MAF: variants seen among roughly 807,000 people sequenced by gnomAD.
The protein encoded by MAF is MAF bZIP transcription factor.
A neutral mutation model predicts 22.0 loss-of-function variants in MAF; 10 were observed. The ratio of observed to expected loss-of-function variants is 0.45; its 90% CI spans 0.28 to 0.77. The LOEUF (loss-of-function observed/expected upper bound fraction) is 0.77, where lower values mean the gene tolerates loss of function less well. MAF is among the 30% of genes least tolerant of loss of function. The pLI, the probability that MAF is intolerant of heterozygous loss-of-function variation, is 0.12. For synonymous variants in MAF, 337 were observed against 255.8 expected (o/e 1.32, Z -3.03); for missense variants, 544 against 548.4 (o/e 0.99, Z 0.08).
the MAF span, among the ~76,000 whole-genome samples, chr16:79,520,906 G>A: frequency 6.6e-5 from 10 of 152,184 alleles, no homozygotes; most frequent in South Asian, 8.3e-4. Context: ...CCCTACTTCC[G>A]TCCTACAACA....
chr16:79,256,647 G>A, the MAF span, among the ~76,000 whole-genome samples: 1 of 152,128 alleles, frequency 6.6e-6, no homozygotes, highest in African/African-American at 2.4e-5. Flanking sequence ...GCAAAGCCAG[G>A]TCTCCCGTTA....
the MAF span, among the ~76,000 whole-genome samples, chr16:79,287,448 C>G: frequency 7.2e-5 from 11 of 152,180 alleles, no homozygotes; most frequent in Non-Finnish European, 1.5e-4. Flanking sequence ...TGAGGACCAG[C>G]AGCTGGCGGT....
chr16:79,391,651 C>A, the MAF span, among the ~76,000 whole-genome samples: 1 of 152,084 alleles, frequency 6.6e-6, no homozygotes, highest in African/African-American at 2.4e-5. Flanking sequence ...GGGTCGGCTT[C>A]CCACGCTGAA....
chr16:79,445,243 C>G, the MAF span, among the ~76,000 whole-genome samples: 1 of 151,620 alleles, frequency 6.6e-6, no homozygotes. Context: ...TGGGGTTTCA[C>G]CATGTTAGCC....
chr16:79,277,630 G>A, the MAF span, among the ~76,000 whole-genome samples: 2 of 152,322 alleles, frequency 1.3e-5, no homozygotes, highest in African/African-American at 4.8e-5. Flanking sequence ...TCAGGGAGAT[G>A]AAGTAGTGGA....
chr16:79,209,211 T>C, the MAF span, among the ~76,000 whole-genome samples: 1 of 152,194 alleles, frequency 6.6e-6, no homozygotes, highest in Admixed American at 6.5e-5. Context: ...ATGAAGCCAG[T>C]TGTAATTGCC....
the MAF span, among the ~76,000 whole-genome samples, chr16:79,557,332 G>C: frequency 6.6e-6 from 1 of 152,010 alleles, no homozygotes; most frequent in African/African-American, 2.4e-5. Context: ...TGGAAGAGGA[G>C]AAAATAAGCT....
the MAF span, among the ~76,000 whole-genome samples, chr16:79,232,674 A>G: frequency 6.6e-6 from 1 of 151,960 alleles, no homozygotes; most frequent in Admixed American, 6.6e-5. Flanking sequence ...GTCAATTCGC[A>G]TCTGGGGTTC....
chr16:79,454,360 G>C, the MAF span, among the ~76,000 whole-genome samples: 4,151 of 152,044 alleles, frequency 0.027, 193 homozygotes, highest in African/African-American at 0.096. Flanking sequence ...AAGGAAGTCT[G>C]TTGTAAGAGA....
chr16:79,381,380 G>A, the MAF span, among the ~76,000 whole-genome samples: 2 of 152,180 alleles, frequency 1.3e-5, no homozygotes, highest in Non-Finnish European at 2.9e-5. Context: ...CTTTAAGGCT[G>A]ATACGAAGCC....
downstream of MAF, among the ~76,000 whole-genome samples, chr16:79,592,654 C>G (rs765200654): frequency 6.6e-6 from 1 of 152,182 alleles, no homozygotes; most frequent in Non-Finnish European, 1.5e-5. Flanking sequence ...AACAAACTTC[C>G]AAGTTTCTCT....
At chr16:79,516,039 C>T in the MAF span, 1 of 146,870 alleles carries the variant, frequency 6.8e-6, no homozygotes, top group Non-Finnish European at 1.5e-5. Context: ...CAAGTGGCTC[C>T]TATCCCATGA....
At chr16:79,303,586 C>T in the MAF span, among the ~76,000 whole-genome samples, 1 of 152,170 alleles carries the variant, frequency 6.6e-6, no homozygotes, top group Non-Finnish European at 1.5e-5. Context: ...AGGCTGTTGG[C>T]CAAACCCAGT....
At chr16:79,530,050 A>G in the MAF span, among the ~76,000 whole-genome samples, 1 of 152,174 alleles carries the variant, frequency 6.6e-6, no homozygotes, top group Non-Finnish European at 1.5e-5. Context: ...TAATTTTTCT[A>G]TCAAAGAGAC....
At chr16:79,576,440 G>A in the MAF span, among the ~76,000 whole-genome samples, 6 of 152,120 alleles carry the variant, frequency 3.9e-5, no homozygotes, top group African/African-American at 9.6e-5. Flanking sequence ...CCTCTGAGGC[G>A]GATGATAGCA....
chr16:79,451,494 G>C, the MAF span, among the ~76,000 whole-genome samples: 97 of 152,174 alleles, frequency 6.4e-4, no homozygotes, highest in Non-Finnish European at 9.4e-4. Flanking sequence ...CTTCCTTGAA[G>C]CATTTCTGGC....
chr16:79,436,668 A>G, the MAF span, among the ~76,000 whole-genome samples: 1 of 152,206 alleles, frequency 6.6e-6, no homozygotes, highest in Non-Finnish European at 1.5e-5. Flanking sequence ...GGTTGCAAAG[A>G]CATTTAAAAG....
At chr16:79,448,869 C>A in the MAF span, among the ~76,000 whole-genome samples, 14 of 152,126 alleles carry the variant, frequency 9.2e-5, no homozygotes, top group African/African-American at 3.4e-4. Context: ...ATAATATTTT[C>A]CCAGACCTTG....
At chr16:79,589,792 A>G (rs560956534), downstream of MAF, among the ~76,000 whole-genome samples, 9 of 152,290 alleles carry the variant, frequency 5.9e-5, no homozygotes, top group African/African-American at 1.7e-4. Context: ...GAGCTCCTGC[A>G]GGGGTGCGGG....
Sources: gnomAD v4.1 joint callset for allele counts (sites outside exome capture counted in the v4.1 genomes callset) on GRCh38, gnomAD v4.1.1 for gene constraint, MANE v1.5 for transcripts, NCBI Gene and HGNC (gene_info 2026-07-23, HGNC 2026-07-21) for gene names.